LMBRD2: variants seen among roughly 807,000 people sequenced by gnomAD.
LMBRD2 encodes the protein G protein-coupled receptor-associated protein LMBRD2.
In LMBRD2, 55 loss-of-function variants were observed where a neutral mutation model predicts 94.4. The observed-to-expected ratio is 0.58, with a 90% CI of 0.47 to 0.73. The LOEUF (loss-of-function observed/expected upper bound fraction) is 0.73. Among genes scored for constraint, LMBRD2 ranks in the 30% least tolerant of loss-of-function variants. The pLI is 0.00. For synonymous variants in LMBRD2, 246 were observed against 272.4 expected, an observed-to-expected ratio of 0.90 and a Z score of 0.95; for missense variants, 640 against 831.9, an observed-to-expected ratio of 0.77 and a Z score of 2.84.
At chr5:36,115,635 A>T (rs995016092) in intron 11 of LMBRD2, among the ~76,000 whole-genome samples, 6 of 151,626 alleles carry the variant, frequency 4.0e-5, no homozygotes, top group South Asian at 2.1e-4. Flanking sequence ...GGTATGAATT[A>T]AAAAAAAATA....
chr5:36,111,154 C>A lies in LMBRD2; in HGVS notation c.1744+1G>T. On this transcript the variant is annotated splice_donor_variant, in intron 14 of 17. Coordinates refer to ENST00000296603, the MANE Select transcript of LMBRD2 (RefSeq NM_001007527.2). LOFTEE classifies it high-confidence loss of function. ...CATTTATTTTAAAAGACAAATCTTA[C>A]CTTTTCTGATTAATTCTTTTCCTTC... 6.4e-7 allele frequency: 1 copy of A among 1,558,146 alleles called. No individual in the cohort carries two copies. The highest frequency in any genetic ancestry group is 2.3e-5 in the East Asian group (1 of 44,352).
At chr5:36,111,378 T>C (rs773374142) in intron 13 of LMBRD2, 120 bp from the exon 14 acceptor site, 10 of 727,504 alleles carry the variant, frequency 1.4e-5, no homozygotes, top group Non-Finnish European at 2.4e-5. Flanking sequence ...TGTTATCATA[T>C]AGTTATCTAC....
Position 36,138,110 on chromosome 5 carries a change from AAGG to A in LMBRD2, c.369-672_369-670del. 1.3e-5 allele frequency among the ~76,000 whole-genome samples: 2 copies of A among 152,320 alleles called. 1 individual carries two copies. The highest frequency in any genetic ancestry group is 4.1e-4 in the South Asian group (2 of 4,822). On this transcript the variant is annotated intron_variant, in intron 4 of 17. Coordinates refer to ENST00000296603, the MANE Select transcript of LMBRD2 (RefSeq NM_001007527.2). ...GACTGAGACAGAACAATAGTGGGGC[AAGG>A]AAGAAAACCAAGGAGCATATGGATT...
At chr5:36,118,682 G>A (rs1355878073) in intron 9 of LMBRD2, among the ~76,000 whole-genome samples, 3 of 147,740 alleles carry the variant, frequency 2.0e-5, no homozygotes, top group Non-Finnish European at 3.0e-5. Flanking sequence ...ATGGAGTCTC[G>A]CTCTGTCGCC....
In LMBRD2 at chr5:36,101,165, T is replaced by C. The variant is rs147266187; in HGVS notation, c.*2881A>G. 8.9e-4 allele frequency: 136 copies of C among 152,126 alleles called. No individual in the cohort carries two copies. Among genetic ancestry groups the C allele is most frequent in the African/African-American group, 3.0e-3 (124 of 41,566 alleles). The allele number at this position is 152,126 out of a possible 1,614,324, so 9.4% of individuals were successfully genotyped here. A position where few individuals can be genotyped will look rare whatever the true frequency, so the allele number is the denominator to read the frequency against. On this transcript the variant is annotated 3_prime_UTR_variant, in exon 18 of 18. Transcript: ENST00000296603. ...ATTATTCAAAAGCCCTTGTATTCAT[T>C]TGGTAAGAGAGCAAATTTTAATAAT...
chr5:36,106,118 C>T (rs948852985), intron 16 of LMBRD2, among the ~76,000 whole-genome samples: 1 of 152,128 alleles, frequency 6.6e-6, no homozygotes, highest in African/African-American at 2.4e-5. Flanking sequence ...GACTTTGTGA[C>T]TCCTCTTCTT....
In LMBRD2 at chr5:36,143,334, A is replaced by G; in HGVS notation, c.16T>C (p.Leu6=). The G allele has an allele frequency of 6.2e-7, 1 of 1,613,342 alleles. No homozygotes were observed. Among genetic ancestry groups the G allele is most frequent in the Non-Finnish European group, 8.5e-7 (1 of 1,179,522 alleles). MSGAA[L]GLEIVFVFFL... is the part of the protein sequence containing the mutation. The stretch of plus-strand genomic sequence containing the variant: ...AAGACAAAAACAATCTCAAGTCCCA[A>G]AGCTGCACCACTCATTATTGAATAT... Residue 6 remains leucine, a synonymous_variant, in exon 2 of 18, where the codon TTG becomes CTG. Transcript: ENST00000296603.
chr5:36,104,058 A>T lies in LMBRD2; in HGVS notation c.2076T>A (p.Phe692Leu). The change falls in exon 18 of 18, where the codon TTT becomes TTA. Residue 692 changes from phenylalanine (F) to leucine (L), a missense_variant. Coordinates refer to ENST00000296603, the MANE Select transcript of LMBRD2 (RefSeq NM_001007527.2). ...RYLSMSRSDI[F>L]NDV ...ACTTTTTCAGACTTTAAACATCATT[A>T]AATATGTCACTGCGAGACATCGAGA... 2 of 1,610,256 alleles carry T rather than the reference A, an allele frequency of 1.2e-6. No homozygotes were observed. The highest frequency in any genetic ancestry group is 1.7e-6 in the Non-Finnish European group (2 of 1,177,396).
rs1743316913 is a variant in LMBRD2 at position 36,100,106 on chromosome 5, G to A, written c.*3940C>T. 1 of 152,030 alleles carries A rather than the reference G, an allele frequency of 6.6e-6. No individual in the cohort carries two copies. The highest frequency in any genetic ancestry group is 1.5e-5 in the Non-Finnish European group (1 of 68,016). 9.4% of individuals were successfully genotyped at this position (152,030 alleles called of 1,614,324 possible). A position where few individuals can be genotyped will look rare whatever the true frequency, so the allele number is the denominator to read the frequency against. On this transcript the variant is annotated 3_prime_UTR_variant, in exon 18 of 18. Transcript: ENST00000296603. ...ACAGATGGGAATTCATATTTTAGAAGGCCTTCTGTAACCTTCTTATATTGT... is the reference window on the plus strand; with the variant it reads ...ACAGATGGGAATTCATATTTTAGAAAGCCTTCTGTAACCTTCTTATATTGT...
chr5:36,103,958 T>C lies in LMBRD2; in HGVS notation c.*88A>G, dbSNP rs1025679460. 15 of 883,484 alleles carry C rather than the reference T, an allele frequency of 1.7e-5. No homozygotes were observed. Among genetic ancestry groups the C allele is most frequent in the Non-Finnish European group, 9.3e-6 (5 of 537,048 alleles). The allele number at this position is 883,484 out of a possible 1,614,324, so 54.7% of individuals were successfully genotyped here. A position where few individuals can be genotyped will look rare whatever the true frequency, so the allele number is the denominator to read the frequency against. On this transcript the variant is annotated 3_prime_UTR_variant, in exon 18 of 18. Coordinates refer to ENST00000296603, the MANE Select transcript of LMBRD2 (RefSeq NM_001007527.2). ...TTATCTTGACACTTTTCACTGTGTA[T>C]AGAGGAAATTCTAGGGTACACAGAT...
chr5:36,135,936 G>A (rs573208574), intron 6 of LMBRD2, among the ~76,000 whole-genome samples: 4 of 152,076 alleles, frequency 2.6e-5, no homozygotes, highest in Non-Finnish European at 5.9e-5. Context: ...TTAACCTTTC[G>A]GAAATAAGTG....
chr5:36,136,505 G>A lies in LMBRD2; in HGVS notation c.551C>T (p.Thr184Ile). 1 of 1,613,828 alleles carries A rather than the reference G, an allele frequency of 6.2e-7. No homozygotes were observed. The highest frequency in any genetic ancestry group is 2.2e-5 in the East Asian group (1 of 44,864). Residue 184 changes from threonine to isoleucine, a missense_variant, in exon 6 of 18, where the codon ACA (threonine) becomes ATA (isoleucine). Around this residue, in one of 2 missense-constraint regions of LMBRD2, gnomAD observed 457 missense variants for 642.8 expected, o/e 0.71. Coordinates refer to ENST00000296603, the MANE Select transcript of LMBRD2 (RefSeq NM_001007527.2). ...TGTATTTGCAGCAGCTATCCCAATTGTCTGAAGCTGGTTCCTAAGAAAGGG... is the reference window on the plus strand; with the variant it reads ...TGTATTTGCAGCAGCTATCCCAATTATCTGAAGCTGGTTCCTAAGAAAGGG... Reference protein sequence around the residue: ...HLHLEWNQLQTIGIAAANTWG... With the variant: ...HLHLEWNQLQIIGIAAANTWG...
At chr5:36,142,884 C>A (rs920247474) in intron 2 of LMBRD2, 46 of 376,838 alleles carry the variant, frequency 1.2e-4, no homozygotes, top group African/African-American at 9.2e-4. Context: ...GCCACCACGT[C>A]CGGCTATTTT....
chr5:36,145,635 A>C (rs943695251), intron 1 of LMBRD2, among the ~76,000 whole-genome samples: 3 of 152,230 alleles, frequency 2.0e-5, no homozygotes, highest in African/African-American at 7.2e-5. Context: ...TCTTTAAAAA[A>C]ACCCAATTGA....
chr5:36,124,978 A>G (rs1264475331), intron 6 of LMBRD2, among the ~76,000 whole-genome samples: 2 of 152,198 alleles, frequency 1.3e-5, no homozygotes, highest in African/African-American at 2.4e-5. Flanking sequence ...AGAATAACTT[A>G]AAAACAAACA....
At chr5:36,146,921 C>T (rs1228111245) in intron 1 of LMBRD2, among the ~76,000 whole-genome samples, 10 of 75,040 alleles carry the variant, frequency 1.3e-4, no homozygotes, top group East Asian at 3.5e-4. Flanking sequence ...TCTCTCTCTG[C>T]GTGTGTGTGT....
chr5:36,107,464 G>A (rs1743499204), intron 16 of LMBRD2, among the ~76,000 whole-genome samples: 1 of 152,234 alleles, frequency 6.6e-6, no homozygotes, highest in Non-Finnish European at 1.5e-5. Context: ...AAAAGATGGA[G>A]AGAAATCATA....
intron 6 of LMBRD2, among the ~76,000 whole-genome samples, chr5:36,134,853 A>G (rs1463978930): frequency 1.3e-5 from 2 of 152,194 alleles, no homozygotes; most frequent in Non-Finnish European, 2.9e-5. Flanking sequence ...ATTTATGTTA[A>G]GACTTGAAAA....
chr5:36,137,045 C>T (rs1043350096), intron 5 of LMBRD2, among the ~76,000 whole-genome samples: 3 of 151,898 alleles, frequency 2.0e-5, no homozygotes, highest in Admixed American at 2.0e-4. Context: ...TAATATATAG[C>T]CATTAGACTA....
Sources: gnomAD v4.1 joint callset for allele counts (sites outside exome capture counted in the v4.1 genomes callset) on GRCh38, gnomAD v4.1.1 for gene constraint, gnomAD v4.1.1 regional missense constraint, MANE v1.5 for transcripts, NCBI Gene and HGNC (gene_info 2026-07-23, HGNC 2026-07-21) for gene names.